PLD5: variants seen among roughly 807,000 people sequenced by gnomAD.
The protein encoded by PLD5 is inactive phospholipase D5.
PLD5 carries 36 observed loss-of-function variants against 61.1 expected under a neutral mutation model. The ratio of observed to expected loss-of-function variants is 0.59; its 90% CI spans 0.45 to 0.78. The LOEUF is 0.78. PLD5 is among the 30% of genes least tolerant of loss of function. PLD5 has a pLI of 0.00. For missense variants in PLD5, 515 were observed against 644.4 expected (o/e 0.80, Z 2.17); for synonymous variants, 243 against 242.8 (o/e 1.00, Z -0.01).
intron 1 of PLD5, among the ~76,000 whole-genome samples, chr1:242,396,423 A>G (rs1663575716): frequency 6.6e-6 from 1 of 151,950 alleles, no homozygotes; most frequent in Admixed American, 6.6e-5. Flanking sequence ...CCCTCCAGCT[A>G]CCATCTCATT....
At chr1:242,480,120 A>C (rs1466137445) in intron 1 of PLD5, among the ~76,000 whole-genome samples, 1 of 152,158 alleles carries the variant, frequency 6.6e-6, no homozygotes, top group East Asian at 1.9e-4. Context: ...ATACTTTCAA[A>C]CTGCAGTAAT....
chr1:242,330,702 C>T (rs532794891), intron 2 of PLD5, among the ~76,000 whole-genome samples: 9 of 152,152 alleles, frequency 5.9e-5, no homozygotes, highest in East Asian at 1.9e-4. Flanking sequence ...CATTGACAGA[C>T]GTTTAAAAAA....
At chr1:242,104,220 G>T (rs1183240819) in intron 8 of PLD5, among the ~76,000 whole-genome samples, 1 of 150,694 alleles carries the variant, frequency 6.6e-6, no homozygotes, top group African/African-American at 2.4e-5. Flanking sequence ...AGGCTAAAGT[G>T]ATCCTCTTGC....
At chr1:242,295,046 G>A (rs1440214428) in intron 2 of PLD5, among the ~76,000 whole-genome samples, 1 of 152,274 alleles carries the variant, frequency 6.6e-6, no homozygotes, top group East Asian at 1.9e-4. Flanking sequence ...ATTAATGAAG[G>A]GGAACAGATG....
chr1:242,175,087 C>G (rs1325928726), intron 5 of PLD5, among the ~76,000 whole-genome samples: 1 of 151,938 alleles, frequency 6.6e-6, no homozygotes, highest in Non-Finnish European at 1.5e-5. Flanking sequence ...GGGAATCCTC[C>G]CTAACTCATT....
chr1:242,228,697 G>A (rs899031121), intron 4 of PLD5, among the ~76,000 whole-genome samples: 1 of 151,640 alleles, frequency 6.6e-6, no homozygotes, highest in Non-Finnish European at 1.5e-5. Context: ...AGGGAGGGAG[G>A]GAAGGAAGGA....
chr1:242,219,307 G>A (rs1670415732), intron 5 of PLD5, among the ~76,000 whole-genome samples: 1 of 152,136 alleles, frequency 6.6e-6, no homozygotes. Flanking sequence ...ATGGGCCGGG[G>A]AGGAGACAAT....
chr1:242,364,937 C>T (rs72763066), intron 1 of PLD5, among the ~76,000 whole-genome samples: 6,013 of 148,626 alleles, frequency 0.04, 285 homozygotes, highest in African/African-American at 0.11. Flanking sequence ...TTGAAGATGT[C>T]GATAAAAATG....
intron 4 of PLD5, among the ~76,000 whole-genome samples, chr1:242,243,190 C>T (rs923227846): frequency 3.9e-5 from 6 of 152,142 alleles, no homozygotes; most frequent in East Asian, 3.9e-4. Flanking sequence ...GTGTCTTACG[C>T]GAGCGTAAAG....
At chr1:242,194,332 T>A (rs1558328026) in intron 5 of PLD5, among the ~76,000 whole-genome samples, 1 of 152,172 alleles carries the variant, frequency 6.6e-6, no homozygotes, top group Non-Finnish European at 1.5e-5. Flanking sequence ...GAATGTAAAC[T>A]AGTACAACCA....
chr1:242,104,144 C>CAG (rs141857207), intron 8 of PLD5, among the ~76,000 whole-genome samples: 32,832 of 151,836 alleles, frequency 0.22, 3,681 homozygotes, highest in South Asian at 0.29. Context: ...TGCTTCGAGA[C>CAG]AGTCTTGTTC....
chr1:242,242,846 T>C (rs76945187), intron 4 of PLD5, among the ~76,000 whole-genome samples: 1 of 152,380 alleles, frequency 6.6e-6, no homozygotes, highest in Non-Finnish European at 1.5e-5. Flanking sequence ...AATCATATTA[T>C]TATCCTCTAA....
At chr1:242,427,830 TC>T (rs1268654493) in intron 1 of PLD5, among the ~76,000 whole-genome samples, 2 of 152,226 alleles carry the variant, frequency 1.3e-5, no homozygotes, top group Non-Finnish European at 2.9e-5. Context: ...GCTGTCTTTT[TC>T]CCCATTCTTT....
intron 1 of PLD5, among the ~76,000 whole-genome samples, chr1:242,376,060 T>C (rs4100881): frequency 6.6e-6 from 1 of 152,216 alleles, no homozygotes; most frequent in Non-Finnish European, 1.5e-5. Flanking sequence ...AAAAACCTGA[T>C]TATATAAATC....
At chr1:242,276,993 GA>G (rs1357515074) in intron 3 of PLD5, among the ~76,000 whole-genome samples, 1 of 152,108 alleles carries the variant, frequency 6.6e-6, no homozygotes, top group African/African-American at 2.4e-5. Context: ...CACGGGCCAG[GA>G]AATAGCAAGA....
In PLD5 at chr1:242,378,868, T is replaced by TA. The variant is rs1221120010; in HGVS notation, c.190-30627dup. The stretch of plus-strand genomic sequence containing the variant: ...AAAAATAAAACAATAAAAAATACGT[T>TA]AAAAAAAAGAGAGAGAAGAAAAAAG... On this transcript the variant is annotated intron_variant, in intron 1 of 9. Transcript: ENST00000536534. Among the ~76,000 whole-genome samples the TA allele has an allele frequency of 1.8e-4, 28 of 151,358 alleles. 1 individual carries two copies. In the South Asian group the frequency reaches 5.7e-3, roughly 31 times the overall value.
intron 1 of PLD5, among the ~76,000 whole-genome samples, chr1:242,454,562 T>C (rs531393205): frequency 2.6e-5 from 4 of 152,252 alleles, no homozygotes; most frequent in Admixed American, 6.5e-5. Flanking sequence ...TTTGCATATA[T>C]GAAAAGAGAC....
chr1:242,200,309 G>A (rs1312491094), intron 5 of PLD5, among the ~76,000 whole-genome samples: 1 of 152,174 alleles, frequency 6.6e-6, no homozygotes, highest in Non-Finnish European at 1.5e-5. Context: ...GTCTGGGCAT[G>A]TTTTTCTCTC....
chr1:242,397,611 G>T (rs1030119609), intron 1 of PLD5, among the ~76,000 whole-genome samples: 1 of 152,012 alleles, frequency 6.6e-6, no homozygotes, highest in African/African-American at 2.4e-5. Context: ...AACAGATCCT[G>T]CTAATAGGTA....
Sources: gnomAD v4.1 joint callset for allele counts (sites outside exome capture counted in the v4.1 genomes callset) on GRCh38, gnomAD v4.1.1 for gene constraint, MANE v1.5 for transcripts, NCBI Gene and HGNC (gene_info 2026-07-23, HGNC 2026-07-21) for gene names.